The following COBL variants were observed in gnomAD, a reference collection of about 807,000 sequenced individuals.
COBL encodes cordon-bleu WH2 repeat protein.
Under a neutral mutation model 98.8 loss-of-function variants are expected in COBL, and 51 were observed. The observed-to-expected ratio is 0.52, with a 90% confidence interval of 0.41 to 0.65. COBL has a LOEUF of 0.65. Among genes scored for constraint, COBL ranks in the 30% least tolerant of loss-of-function variants. The pLI is 0.00. For missense variants in COBL, 1,617 were observed against 1,617.5 expected (o/e 1.00, Z 0.01); for synonymous variants, 634 against 651.7 (o/e 0.97, Z 0.41).
chr7:51,125,182 T>C (rs1798089496), intron 6 of COBL, among the ~76,000 whole-genome samples: 1 of 152,190 alleles, frequency 6.6e-6, no homozygotes, highest in Non-Finnish European at 1.5e-5. Context: ...ATGGGGCCTC[T>C]AAAGAAGTAA....
chr7:51,071,837 CTTGTTTA>C (rs1792583154), intron 7 of COBL: 1 of 151,830 alleles, frequency 6.6e-6, no homozygotes, highest in Non-Finnish European at 1.5e-5. Flanking sequence ...ATTACCTTTT[CTTGTTTA>C]GACTTTCCCC....
intron 1 of COBL, among the ~76,000 whole-genome samples, chr7:51,265,172 C>G (rs891774196): frequency 2.0e-5 from 3 of 152,200 alleles, no homozygotes; most frequent in Non-Finnish European, 2.9e-5. Flanking sequence ...TGTTCCCAGT[C>G]CTTTAACAAC....
At chr7:51,068,622 T>G (rs922427025) in intron 7 of COBL, among the ~76,000 whole-genome samples, 1 of 152,206 alleles carries the variant, frequency 6.6e-6, no homozygotes, top group Non-Finnish European at 1.5e-5. Flanking sequence ...TTGAGGGTGA[T>G]GGATGTTTAT....
chr7:51,278,518 T>A (rs1799519741), intron 1 of COBL, among the ~76,000 whole-genome samples: 1 of 151,766 alleles, frequency 6.6e-6, no homozygotes, highest in Non-Finnish European at 1.5e-5. Flanking sequence ...GTAGCTGGGA[T>A]TACAGGCGTG....
rs114069169 is a variant in COBL, at chr7:51,296,802, G to A, written c.41+19791C>T. 4.8e-3 allele frequency among the ~76,000 whole-genome samples: 729 copies of A among 152,248 alleles called. 3 individuals carry two copies. Among genetic ancestry groups the A allele is most frequent in the African/African-American group, 0.016 (675 of 41,536 alleles). On this transcript the variant is annotated intron_variant, in intron 1 of 12. Coordinates refer to ENST00000265136, the MANE Select transcript of COBL (RefSeq NM_015198.5). ...AATTTGGTTAAACCATGTGAAGTGC[G>A]TTACAAACACATATTTCTTGAAGAG...
chr7:51,099,409 G>C (rs1012115445), intron 6 of COBL, among the ~76,000 whole-genome samples: 1 of 152,196 alleles, frequency 6.6e-6, no homozygotes, highest in Admixed American at 6.5e-5. Flanking sequence ...TATACACAGA[G>C]TGGAACATTA....
intron 4 of COBL, among the ~76,000 whole-genome samples, chr7:51,187,641 A>G (rs1273078396): frequency 1.3e-5 from 2 of 152,148 alleles, no homozygotes; most frequent in Admixed American, 1.3e-4. Flanking sequence ...TGGGCAACAG[A>G]ATTTGTTTTC....
intron 1 of COBL, among the ~76,000 whole-genome samples, chr7:51,220,631 C>T (rs1429173444): frequency 6.6e-6 from 1 of 152,172 alleles, no homozygotes; most frequent in Non-Finnish European, 1.5e-5. Flanking sequence ...TGATGAGTCA[C>T]CCACACTGAG....
At chr7:51,026,876 CCA>C (rs1300877657) in intron 10 of COBL, among the ~76,000 whole-genome samples, 1 of 152,076 alleles carries the variant, frequency 6.6e-6, no homozygotes, top group Non-Finnish European at 1.5e-5. Context: ...CCAGCCTGGG[CCA>C]CAGAGTGAGT....
chr7:51,130,311 G>A (rs964342298), intron 6 of COBL, among the ~76,000 whole-genome samples: 8 of 152,110 alleles, frequency 5.3e-5, no homozygotes, highest in African/African-American at 1.9e-4. Context: ...AGACACACCC[G>A]GCAAAGATCA....
chr7:51,089,511 T>C lies in COBL; in HGVS notation c.958-4207A>G, dbSNP rs560876230. Among the ~76,000 whole-genome samples, 275 of 84,106 alleles carry C rather than the reference T, an allele frequency of 3.3e-3. 1 individual carries two copies. Among genetic ancestry groups the C allele is most frequent in the Non-Finnish European group, 2.9e-3 (138 of 47,056 alleles). 55.2% of individuals were successfully genotyped at this position (84,106 alleles called of 152,430 possible). A position where few individuals can be genotyped will look rare whatever the true frequency, so the allele number is the denominator to read the frequency against. On this transcript the variant is annotated intron_variant, in intron 6 of 12. Transcript: ENST00000265136. Reference sequence around the variant, plus strand: ...GCCTGGGCAACAGGGCAAGACTCCGTCTTAAAAAAAAACAAAAAACAAAAC... The same window carrying C: ...GCCTGGGCAACAGGGCAAGACTCCGCCTTAAAAAAAAACAAAAAACAAAAC...
At chr7:51,093,988 T>C (rs1221846730) in intron 6 of COBL, among the ~76,000 whole-genome samples, 2 of 150,674 alleles carry the variant, frequency 1.3e-5, no homozygotes, top group Admixed American at 1.3e-4. Context: ...TATACATATA[T>C]ATATATGTAT....
intron 7 of COBL, among the ~76,000 whole-genome samples, chr7:51,048,048 T>C (rs191013145): frequency 1.2e-3 from 189 of 152,202 alleles, no homozygotes; most frequent in African/African-American, 4.4e-3. Flanking sequence ...ACACCTGTAA[T>C]CCCAGCTACT....
chr7:51,194,862 TTTTG>T (rs1189968800), intron 2 of COBL, among the ~76,000 whole-genome samples: 9 of 151,996 alleles, frequency 5.9e-5, no homozygotes, highest in East Asian at 1.9e-4. Flanking sequence ...TTTTAATGGG[TTTTG>T]TTTTTTTTTC....
chr7:51,286,222 T>C (rs1800345387), intron 1 of COBL, among the ~76,000 whole-genome samples: 1 of 151,052 alleles, frequency 6.6e-6, no homozygotes. Context: ...GCCTAAATCA[T>C]GTCTAGAGCA....
intron 7 of COBL, among the ~76,000 whole-genome samples, chr7:51,061,590 T>C (rs1791364924): frequency 6.6e-6 from 1 of 152,128 alleles, no homozygotes; most frequent in South Asian, 2.1e-4. Flanking sequence ...GGGTACGTGG[T>C]GAAACGTTAT....
At chr7:51,277,088 G>A (rs1407449064) in intron 1 of COBL, among the ~76,000 whole-genome samples, 1 of 152,208 alleles carries the variant, frequency 6.6e-6, no homozygotes, top group Admixed American at 6.5e-5. Flanking sequence ...CTGGAGGAAA[G>A]GATCACAGGC....
intron 6 of COBL, among the ~76,000 whole-genome samples, chr7:51,094,629 A>G (rs1336271628): frequency 6.6e-6 from 1 of 152,160 alleles, no homozygotes; most frequent in Non-Finnish European, 1.5e-5. Flanking sequence ...AAGTCTGTCA[A>G]GTTGAAAGGA....
At chr7:51,302,338 T>A (rs1006258360) in intron 1 of COBL, among the ~76,000 whole-genome samples, 6 of 152,016 alleles carry the variant, frequency 3.9e-5, no homozygotes, top group Admixed American at 3.3e-4. Context: ...TCCTAGCATT[T>A]TGGAAAGCCG....
Sources: allele counts gnomAD v4.1 joint callset (sites outside exome capture counted in the v4.1 genomes callset), GRCh38; gene constraint gnomAD v4.1.1; transcripts MANE v1.5; gene names NCBI Gene and HGNC (gene_info 2026-07-23, HGNC 2026-07-21).